Variants in L3MBTL1 observed in about 807,000 individuals in gnomAD.
The protein encoded by L3MBTL1 is L3MBTL histone methyl-lysine binding protein 1.
Under a neutral mutation model 105.3 loss-of-function variants are expected in L3MBTL1, and 75 were observed. The ratio of observed to expected loss-of-function variants is 0.71; its 90% CI spans 0.59 to 0.86. The LOEUF (loss-of-function observed/expected upper bound fraction) is 0.86, where lower values mean the gene tolerates loss of function less well. L3MBTL1 is among the 40% of genes least tolerant of loss of function. The probability of loss-of-function intolerance (pLI) is 0.00; values close to 1 mark genes in which losing one functional copy is unlikely to be tolerated. For synonymous variants in L3MBTL1, 452 were observed against 436.2 expected, an observed-to-expected ratio of 1.04 and a Z score of -0.45; for missense variants, 1,069 against 1,126.4, an observed-to-expected ratio of 0.95 and a Z score of 0.73.
In L3MBTL1 at chr20:43,540,306, G is replaced by A; in HGVS notation, c.2329G>A (p.Glu777Lys). Residue 777 changes from glutamate (E) to lysine (K), a missense_variant and splice_region_variant, in exon 20 of 22, where the codon GAG becomes AAG. Transcript: ENST00000418998. ...GACAGTCGCCAAGTGGACCATCGATGAGGTGAGGAGCGAGGGCCCTTCTTT... is the reference window on the plus strand; with the variant it reads ...GACAGTCGCCAAGTGGACCATCGATAAGGTGAGGAGCGAGGGCCCTTCTTT... ...ASTVAKWTIDEVFGFVQTLTG... is the reference protein window; with the variant it reads ...ASTVAKWTIDKVFGFVQTLTG... 1 of 1,613,154 alleles carries A rather than the reference G, an allele frequency of 6.2e-7. No homozygotes were observed. Among genetic ancestry groups the A allele is most frequent in the Non-Finnish European group, 8.5e-7 (1 of 1,179,652 alleles).
intron 15 of L3MBTL1, 154 bp from the exon 16 acceptor site, chr20:43,534,674 T>C: frequency 3.2e-6 from 2 of 622,886 alleles, no homozygotes; most frequent in Admixed American, 2.9e-5. Flanking sequence ...CCTTGGAAAA[T>C]GTGGTGGCCA....
intron 1 of L3MBTL1, among the ~76,000 whole-genome samples, chr20:43,510,186 A>G (rs1286333500): frequency 6.6e-6 from 1 of 151,966 alleles, no homozygotes; most frequent in Non-Finnish European, 1.5e-5. Context: ...TTTTGTAGAG[A>G]TGGGGTTTCA....
At chr20:43,514,593 C>G (rs1471413617) in intron 3 of L3MBTL1, 42 bp from the exon 4 acceptor site, 1 of 1,599,428 alleles carries the variant, frequency 6.3e-7, no homozygotes, top group Non-Finnish European at 8.5e-7. Flanking sequence ...GGGTCAAGGA[C>G]CCGTACGGGA....
At chr20:43,535,776 C>A in intron 16 of L3MBTL1, 61 bp from the exon 17 acceptor site, 1 of 1,104,056 alleles carries the variant, frequency 9.1e-7, no homozygotes, top group Non-Finnish European at 1.3e-6. Context: ...CTGCTCCTTC[C>A]GTGCCCCACA....
chr20:43,522,457 G>GTTTTTT lies in L3MBTL1; in HGVS notation c.863-6174_863-6169dup, dbSNP rs1176856356. On this transcript the variant is annotated intron_variant, in intron 7 of 21. Coordinates refer to ENST00000418998, the MANE Select transcript of L3MBTL1 (RefSeq NM_001377303.1). ...TGGTAACTGAATTTTTCCCTGCTAA[G>GTTTTTT]TTTTTTTTTTTTTTTTTTTTTTTTT... Among the ~76,000 whole-genome samples, 49 of 95,872 alleles carry GTTTTTT rather than the reference G, an allele frequency of 5.1e-4. 7 individuals are homozygous for GTTTTTT. Among genetic ancestry groups the GTTTTTT allele is most frequent in the African/African-American group, 7.5e-4 (16 of 21,370 alleles). 62.9% of individuals were successfully genotyped at this position (95,872 alleles called of 152,430 possible).
In L3MBTL1 at chr20:43,536,294, G is replaced by A. The variant is rs867846143; in HGVS notation, c.2123G>A (p.Arg708Gln). ...SPRKKPRHHG[R>Q]IGRPPKYRKI... The stretch of plus-strand genomic sequence containing the variant: ...AGGAAGAAGCCTCGCCATCACGGCC[G>A]GTATGGAGGCCAGGGAATCAGGGCC... Residue 708 changes from arginine (R) to glutamine (Q), a missense_variant and splice_region_variant, in exon 18 of 22, where the codon CGA becomes CAA. By Grantham distance (43) the Arg-to-Gln change is conservative (BLOSUM62 1). Transcript: ENST00000418998. 1.1e-5 allele frequency: 18 copies of A among 1,612,278 alleles called. No individual in the cohort carries two copies. Among genetic ancestry groups the A allele is most frequent in the South Asian group, 3.3e-5 (3 of 90,996 alleles).
exon 19 of L3MBTL1, chr20:43,550,745 C>G (rs1305707385): frequency 1.3e-5 from 2 of 152,180 alleles, no homozygotes; most frequent in African/African-American, 2.4e-5. Flanking sequence ...GCAAATGAAG[C>G]CTTTTTTGCA....
chr20:43,543,681 C>T (rs1978376534), downstream of L3MBTL1, among the ~76,000 whole-genome samples: 1 of 152,130 alleles, frequency 6.6e-6, no homozygotes, highest in Admixed American at 6.5e-5. Flanking sequence ...TCTGGCTTAA[C>T]TGATGATTGG....
In L3MBTL1 at chr20:43,513,375, G is replaced by C. The variant is rs559631585; in HGVS notation, c.-28-101G>C. The C allele has an allele frequency of 3.2e-6, 4 of 1,231,410 alleles. No homozygotes were observed. The African/African-American group carries it at 6.0e-5, about 19-fold the overall frequency. 76.3% of individuals were successfully genotyped at this position (1,231,410 alleles called of 1,614,324 possible). ...TTTCTCTGCAGGTCACGGGTTTGAA[G>C]GTGGCTAGCTTCTCAAAGAAGCCCC... On this transcript the variant is annotated intron_variant, in intron 1 of 21. Coordinates refer to ENST00000418998, the MANE Select transcript of L3MBTL1 (RefSeq NM_001377303.1).
At chr20:43,544,774 G>T (rs907621212), downstream of L3MBTL1, among the ~76,000 whole-genome samples, 13 of 152,248 alleles carry the variant, frequency 8.5e-5, no homozygotes, top group South Asian at 2.7e-3. Context: ...AGACCAGCCT[G>T]GCCAATGTGG....
chr20:43,517,058 A>G (rs1484953788), intron 7 of L3MBTL1, among the ~76,000 whole-genome samples: 2 of 149,710 alleles, frequency 1.3e-5, no homozygotes, highest in African/African-American at 2.5e-5. Flanking sequence ...AGGCTTCCCA[A>G]AGTTCTGGGA....
chr20:43,532,519 C>T (rs777596432), intron 11 of L3MBTL1: 39 of 431,352 alleles, frequency 9.0e-5, no homozygotes, highest in Non-Finnish European at 1.3e-4. Context: ...CGCATAGCCT[C>T]CTTCCAGGCA....
chr20:43,510,685 G>C, intron 1 of L3MBTL1, among the ~76,000 whole-genome samples: 1 of 151,936 alleles, frequency 6.6e-6, no homozygotes. Context: ...CCAAAGTGCT[G>C]GGATTAGAGG....
chr20:43,542,611 C>CAAAAAAAAAA (rs5841503), downstream of L3MBTL1, among the ~76,000 whole-genome samples: 35 of 112,462 alleles, frequency 3.1e-4, no homozygotes, highest in East Asian at 7.6e-4. Context: ...AAAAATTTAA[C>CAAAAAAAAAA]AAAAAAAAAA....
chr20:43,525,031 G>A (rs373690411), intron 7 of L3MBTL1, among the ~76,000 whole-genome samples: 1 of 151,394 alleles, frequency 6.6e-6, no homozygotes, highest in African/African-American at 2.4e-5. Flanking sequence ...CTCAAAGCAA[G>A]GACAGTAAAT....
intron 11 of L3MBTL1, chr20:43,532,540 G>T: frequency 2.1e-6 from 1 of 470,138 alleles, no homozygotes; most frequent in Non-Finnish European, 3.8e-6. Flanking sequence ...CTTACCTTCT[G>T]ACACAAGCCA....
At chr20:43,510,406 C>CTTTTTTTTTTT (rs11476429) in intron 1 of L3MBTL1, among the ~76,000 whole-genome samples, 3 of 127,564 alleles carry the variant, frequency 2.4e-5, no homozygotes, top group Admixed American at 8.6e-5. Flanking sequence ...TTCTTTCTTT[C>CTTTTTTTTTTT]TTTTTTTTTT....
chr20:43,540,049 C>T, intron 19 of L3MBTL1, 102 bp from the exon 20 acceptor site: 2 of 1,412,668 alleles, frequency 1.4e-6, no homozygotes, highest in Non-Finnish European at 2.0e-6. Flanking sequence ...GGAGTCCTGT[C>T]TACTCTGCCA....
rs2019498590 is a variant in L3MBTL1, at chr20:43,534,380, G to A, written c.1696G>A (p.Asp566Asn). 2 of 1,614,044 alleles carry A rather than the reference G, an allele frequency of 1.2e-6. No individual in the cohort carries two copies. Among genetic ancestry groups the A allele is most frequent in the East Asian group, 2.2e-5 (1 of 44,872 alleles). Residue 566 changes from aspartate to asparagine, a missense_variant, in exon 15 of 22, where the codon GAC becomes AAC. Asp to Asn is a conservative substitution (Grantham distance 23). Transcript: ENST00000418998. The stretch of plus-strand genomic sequence containing the variant: ...CGTGGCCAGCGTGGAGGATGTGGAG[G>A]ACCATCGGATAAAGGTGGCTCTGGG... ...IRVASVEDVE[D>N]HRIKIHFDGW...
Sources: gnomAD v4.1 joint callset for allele counts (sites outside exome capture counted in the v4.1 genomes callset) on GRCh38, gnomAD v4.1.1 for gene constraint, MANE v1.5 for transcripts, NCBI Gene and HGNC (gene_info 2026-07-23, HGNC 2026-07-21) for gene names.